Variants in SNX18 observed in about 807,000 individuals in gnomAD.
The protein encoded by SNX18 is sorting nexin 18.
In SNX18, 35 loss-of-function variants were observed where a neutral mutation model predicts 48.7. That is an observed-to-expected ratio of 0.72 (90% CI 0.55 to 0.95). The LOEUF (loss-of-function observed/expected upper bound fraction) is 0.95, where lower values mean the gene tolerates loss of function less well. SNX18 is among the 40% of genes least tolerant of loss of function. The pLI, the probability that SNX18 is intolerant of heterozygous loss-of-function variation, is 0.00. For missense variants in SNX18, 824 were observed against 871.0 expected, an observed-to-expected ratio of 0.95 and a Z score of 0.68; for synonymous variants, 492 against 384.7, an observed-to-expected ratio of 1.28 and a Z score of -3.26.
chr5:54,640,393 C>A, the SNX18 span, among the ~76,000 whole-genome samples: 1 of 75,786 alleles, frequency 1.3e-5, no homozygotes, highest in East Asian at 2.1e-4. Context: ...TTTGTACTTT[C>A]TTTTTTTTAA....
intron 1 of SNX18, among the ~76,000 whole-genome samples, chr5:54,530,346 C>T (rs1762229597): frequency 6.6e-6 from 1 of 152,140 alleles, no homozygotes; most frequent in African/African-American, 2.4e-5. Flanking sequence ...GTGGTGTCAT[C>T]TCATTTGGTG....
chr5:54,616,126 T>C, the SNX18 span, among the ~76,000 whole-genome samples: 1 of 152,242 alleles, frequency 6.6e-6, no homozygotes, highest in African/African-American at 2.4e-5. Flanking sequence ...ACCACTTTTT[T>C]GCTTGCTCAC....
intron 1 of SNX18, among the ~76,000 whole-genome samples, chr5:54,530,804 T>G (rs1362270659): frequency 1.5e-5 from 2 of 133,472 alleles, no homozygotes; most frequent in East Asian, 2.5e-4. Context: ...CAGGCTGGAG[T>G]GCAGTGGCGT....
rs897477400 is a variant in SNX18, at chr5:54,546,176, T to C, written c.*2744T>C. On this transcript the variant is annotated 3_prime_UTR_variant, in exon 2 of 2. Transcript: ENST00000381410. Reference sequence around the variant, plus strand: ...CCAGGCTTCACTGATACAGTTGTTTTGCATTTATTCACAATAATACAGCAG... The same window carrying C: ...CCAGGCTTCACTGATACAGTTGTTTCGCATTTATTCACAATAATACAGCAG... 1 of 152,276 alleles carries C rather than the reference T, an allele frequency of 6.6e-6. No homozygotes were observed. Among genetic ancestry groups the C allele is most frequent in the Non-Finnish European group, 1.5e-5 (1 of 68,050 alleles). The allele number at this position is 152,276 out of a possible 1,614,324, so 9.4% of individuals were successfully genotyped here. A position where few individuals can be genotyped will look rare whatever the true frequency, so the allele number is the denominator to read the frequency against.
chr5:54,585,252 C>T, the SNX18 span, among the ~76,000 whole-genome samples: 1 of 151,110 alleles, frequency 6.6e-6, no homozygotes, highest in Non-Finnish European at 1.5e-5. Flanking sequence ...TTACCATGCT[C>T]CTGCACTCCA....
At chr5:54,571,552 T>G in the SNX18 span, among the ~76,000 whole-genome samples, 4 of 152,216 alleles carry the variant, frequency 2.6e-5, no homozygotes, top group African/African-American at 9.6e-5. Context: ...GCTCCACGAA[T>G]AGGGGCTCAT....
chr5:54,572,925 G>A, the SNX18 span, among the ~76,000 whole-genome samples: 9,296 of 149,160 alleles, frequency 0.062, 397 homozygotes, highest in Non-Finnish European at 0.095. Flanking sequence ...TGTCAGTGGC[G>A]TTTGAACAAC....
the SNX18 span, among the ~76,000 whole-genome samples, chr5:54,578,208 A>G: frequency 2.0e-5 from 3 of 152,234 alleles, no homozygotes; most frequent in South Asian, 2.1e-4. Flanking sequence ...TGAACGTGCC[A>G]CTTACAACGT....
At chr5:54,600,050 CAG>C in the SNX18 span, among the ~76,000 whole-genome samples, 3 of 152,140 alleles carry the variant, frequency 2.0e-5, no homozygotes, top group East Asian at 5.8e-4. Flanking sequence ...AGGCAACAAA[CAG>C]AGTGGGAGAA....
chr5:54,584,745 A>G, the SNX18 span, among the ~76,000 whole-genome samples: 1 of 152,160 alleles, frequency 6.6e-6, no homozygotes, highest in African/African-American at 2.4e-5. Flanking sequence ...TTGTGTGTGT[A>G]TTGCAATCCT....
At chr5:54,629,082 T>C in the SNX18 span, among the ~76,000 whole-genome samples, 1 of 152,238 alleles carries the variant, frequency 6.6e-6, no homozygotes. Flanking sequence ...TAAATGCCTG[T>C]GATTTGCCAG....
the SNX18 span, among the ~76,000 whole-genome samples, chr5:54,575,250 C>T: frequency 6.6e-6 from 1 of 151,864 alleles, no homozygotes; most frequent in Non-Finnish European, 1.5e-5. Context: ...GGAGCCCCAG[C>T]GTTTGAGTCT....
chr5:54,638,970 C>T, the SNX18 span, among the ~76,000 whole-genome samples: 1 of 152,180 alleles, frequency 6.6e-6, no homozygotes, highest in Non-Finnish European at 1.5e-5. Context: ...CATAAGGTCT[C>T]TTTTAAAATA....
At chr5:54,563,624 A>G in the SNX18 span, among the ~76,000 whole-genome samples, 1 of 152,196 alleles carries the variant, frequency 6.6e-6, no homozygotes, top group African/African-American at 2.4e-5. Context: ...GAAATGACAC[A>G]TGACTGTATG....
chr5:54,627,454 C>T, the SNX18 span, among the ~76,000 whole-genome samples: 2 of 152,150 alleles, frequency 1.3e-5, no homozygotes, highest in African/African-American at 4.8e-5. Flanking sequence ...GTATTTAATA[C>T]ACATTTGCAT....
chr5:54,517,969 G>T lies in SNX18; in HGVS notation c.17G>T (p.Arg6Leu). MALRA[R>L]ALYDFRSENP... ...GCCGGGACCATGGCGCTGCGCGCCC[G>T]GGCGCTGTACGACTTCAGGTCGGAG... The change falls in exon 1 of 2, where the codon CGG becomes CTG. Residue 6 changes from arginine (R) to leucine (L), a missense_variant. Coordinates refer to ENST00000381410, the MANE Select transcript of SNX18 (RefSeq NM_001102575.2). The T allele has an allele frequency of 6.6e-7, 1 of 1,521,860 alleles. No individual in the cohort carries two copies. Among genetic ancestry groups the T allele is most frequent in the Non-Finnish European group, 8.8e-7 (1 of 1,137,394 alleles). 94.3% of individuals were successfully genotyped at this position (1,521,860 alleles called of 1,614,324 possible). A position where few individuals can be genotyped will look rare whatever the true frequency, so the allele number is the denominator to read the frequency against.
At chr5:54,624,887 G>A in the SNX18 span, among the ~76,000 whole-genome samples, 36 of 152,158 alleles carry the variant, frequency 2.4e-4, no homozygotes, top group Admixed American at 2.1e-3. Context: ...CTGTGCCAGC[G>A]TCCCCCAAAC....
At chr5:54,555,463 G>A in the SNX18 span, among the ~76,000 whole-genome samples, 1 of 151,148 alleles carries the variant, frequency 6.6e-6, no homozygotes, top group African/African-American at 2.4e-5. Flanking sequence ...TCAACCCTCA[G>A]CCTTCCAAAT....
chr5:54,523,535 G>A (rs1170769302), intron 1 of SNX18, among the ~76,000 whole-genome samples: 1 of 152,238 alleles, frequency 6.6e-6, no homozygotes, highest in African/African-American at 2.4e-5. Flanking sequence ...GAGAAAAGGT[G>A]TAAAATAGTG....
Sources: allele counts gnomAD v4.1 joint callset (sites outside exome capture counted in the v4.1 genomes callset), GRCh38; gene constraint gnomAD v4.1.1; transcripts MANE v1.5; gene names NCBI Gene and HGNC (gene_info 2026-07-23, HGNC 2026-07-21).